Variants in NUSAP1 observed in about 807,000 individuals in gnomAD.
NUSAP1 encodes nucleolar and spindle associated protein 1.
Under a neutral mutation model 52.8 loss-of-function variants are expected in NUSAP1, and 32 were observed. The observed-to-expected ratio is 0.61, with a 90% CI of 0.46 to 0.81. The LOEUF is 0.81. NUSAP1 is among the 40% of genes least tolerant of loss of function. The pLI is 0.00. For synonymous variants in NUSAP1, 195 were observed against 183.1 expected, an observed-to-expected ratio of 1.06 and a Z score of -0.52; for missense variants, 499 against 522.3, an observed-to-expected ratio of 0.96 and a Z score of 0.43.
rs2050161426 is a variant in NUSAP1, at chr15:41,380,344, C to T, written c.*158C>T. On this transcript the variant is annotated 3_prime_UTR_variant, in exon 11 of 11. Transcript: ENST00000559596. Reference sequence around the variant, plus strand: ...CCATGGGTTCTTCATGTGCTATGATCTCTGAAAAGACGTTATCACCTTAAA... The same window carrying T: ...CCATGGGTTCTTCATGTGCTATGATTTCTGAAAAGACGTTATCACCTTAAA... The T allele has an allele frequency of 1.9e-6, 1 of 522,764 alleles. No individual in the cohort carries two copies. The highest frequency in any genetic ancestry group is 1.9e-5 in the African/African-American group (1 of 51,550). 32.4% of individuals were successfully genotyped at this position (522,764 alleles called of 1,614,324 possible).
At chr15:41,377,161 T>A in intron 9 of NUSAP1, 35 bp from the exon 10 acceptor site, 1 of 1,101,132 alleles carries the variant, frequency 9.1e-7, no homozygotes, top group Non-Finnish European at 1.3e-6. Context: ...AATCAAACAA[T>A]CTTTTTAAAA....
chr15:41,360,244 T>C (rs2049122093), intron 6 of NUSAP1, among the ~76,000 whole-genome samples: 1 of 152,126 alleles, frequency 6.6e-6, no homozygotes, highest in Non-Finnish European at 1.5e-5. Context: ...ATTCAAGTGA[T>C]TCTCCCACCT....
chr15:41,379,048 G>C (rs1423127121), intron 10 of NUSAP1, among the ~76,000 whole-genome samples: 1 of 129,882 alleles, frequency 7.7e-6, no homozygotes, highest in Non-Finnish European at 1.5e-5. Flanking sequence ...CTGCCTCCCA[G>C]GTTCAAGTGA....
intron 7 of NUSAP1, 98 bp downstream of exon 7, chr15:41,365,687 A>G: frequency 1.3e-6 from 1 of 746,990 alleles, no homozygotes; most frequent in Non-Finnish European, 2.0e-6. Context: ...GTACATACTC[A>G]TAGGGTACAT....
In NUSAP1 at chr15:41,359,778, G is replaced by A. The variant is rs187471312; in HGVS notation, c.660+1520G>A. Among the ~76,000 whole-genome samples, 743 of 151,546 alleles carry A rather than the reference G, an allele frequency of 4.9e-3. 2 individuals are homozygous for A. Among genetic ancestry groups the A allele is most frequent in the South Asian group, 0.021 (100 of 4,794 alleles). ...CTCCCCAGTAGCTGAGATTACAGGCGCCCACCACCACACCCAGCTAATTTT... is the reference window on the plus strand; with the variant it reads ...CTCCCCAGTAGCTGAGATTACAGGCACCCACCACCACACCCAGCTAATTTT... On this transcript the variant is annotated intron_variant, in intron 6 of 10. Transcript: ENST00000559596.
At chr15:41,365,799 C>G (rs1166311534) in intron 7 of NUSAP1, 1 of 250,508 alleles carries the variant, frequency 4.0e-6, no homozygotes, top group Non-Finnish European at 7.6e-6. Context: ...CAGCTCCCTG[C>G]AACCTCCGCC....
intron 3 of NUSAP1, 48 bp downstream of exon 3, chr15:41,349,289 G>T (rs377214224): frequency 8.3e-6 from 13 of 1,565,812 alleles, no homozygotes; most frequent in Non-Finnish European, 1.1e-5. Flanking sequence ...TGCCAAAATT[G>T]GCATACTTTT....
intron 8 of NUSAP1, among the ~76,000 whole-genome samples, chr15:41,373,017 G>A (rs2049765626): frequency 6.6e-6 from 1 of 151,896 alleles, no homozygotes; most frequent in Non-Finnish European, 1.5e-5. Context: ...GAACCAGGAA[G>A]CAGAGGTTGC....
At position 41,336,268 on chromosome 15, in the gene NUSAP1, A is replaced by AAATAATAAT. The variant is rs113121358; in HGVS notation, c.93+3239_93+3247dup. Among the ~76,000 whole-genome samples the AAATAATAAT allele has an allele frequency of 2.3e-3, 341 of 148,682 alleles. 4 individuals are homozygous for AAATAATAAT. The South Asian group carries it at 0.026, about 11-fold the overall frequency. On this transcript the variant is annotated intron_variant, in intron 1 of 10. Coordinates refer to ENST00000559596, the MANE Select transcript of NUSAP1 (RefSeq NM_016359.5). Reference sequence around the variant, plus strand: ...GCAACAAGAGCGAAACTCCGTCTAAAAATAATAATAATAATAATAATAATA... The same window carrying AAATAATAAT: ...GCAACAAGAGCGAAACTCCGTCTAAAAATAATAATAATAATAATAATAATAATAATAATA...
chr15:41,345,251 C>T (rs946795349), intron 2 of NUSAP1, among the ~76,000 whole-genome samples: 2 of 152,028 alleles, frequency 1.3e-5, no homozygotes, highest in African/African-American at 4.8e-5. Flanking sequence ...TTGCCTACCT[C>T]TGCCTCCCAA....
intron 2 of NUSAP1, among the ~76,000 whole-genome samples, chr15:41,345,265 G>T (rs908001448): frequency 1.3e-5 from 2 of 151,936 alleles, no homozygotes; most frequent in Admixed American, 6.6e-5. Context: ...CTCCCAAAGT[G>T]CTGGGATTAC....
intron 6 of NUSAP1, among the ~76,000 whole-genome samples, chr15:41,360,723 C>T (rs1238459504): frequency 6.6e-6 from 1 of 151,732 alleles, no homozygotes; most frequent in Non-Finnish European, 1.5e-5. Flanking sequence ...TCCCAAAGTG[C>T]TGGGATTACA....
intron 6 of NUSAP1, among the ~76,000 whole-genome samples, chr15:41,362,589 T>C (rs1054481808): frequency 6.6e-6 from 1 of 151,076 alleles, no homozygotes; most frequent in African/African-American, 2.4e-5. Flanking sequence ...CACACCCGGC[T>C]AATTTTTTTT....
At chr15:41,345,094 G>A (rs191499217) in intron 2 of NUSAP1, among the ~76,000 whole-genome samples, 1 of 151,976 alleles carries the variant, frequency 6.6e-6, no homozygotes, top group African/African-American at 2.4e-5. Context: ...GGACCCCCCA[G>A]GCTCAAGTGA....
chr15:41,340,523 G>C (rs1392845246), intron 1 of NUSAP1, among the ~76,000 whole-genome samples: 5 of 152,134 alleles, frequency 3.3e-5, no homozygotes, highest in Non-Finnish European at 7.3e-5. Context: ...GCTTGTTGAA[G>C]GAATGCATGA....
chr15:41,349,765 T>TC (rs2048711985), intron 3 of NUSAP1, among the ~76,000 whole-genome samples: 1 of 142,528 alleles, frequency 7.0e-6, no homozygotes, highest in African/African-American at 2.5e-5. Context: ...TTTTTTCTTT[T>TC]CTTTTTTTTT....
chr15:41,351,811 G>A (rs996415173), intron 4 of NUSAP1, among the ~76,000 whole-genome samples: 1 of 152,018 alleles, frequency 6.6e-6, no homozygotes, highest in Non-Finnish European at 1.5e-5. Flanking sequence ...TCCAAATGAT[G>A]TCATTTTAAC....
At chr15:41,335,997 G>T (rs1424525306) in intron 1 of NUSAP1, among the ~76,000 whole-genome samples, 4 of 150,972 alleles carry the variant, frequency 2.6e-5, no homozygotes, top group Admixed American at 2.6e-4. Flanking sequence ...ATGGTGGCTT[G>T]CACCTGTAAT....
At chr15:41,360,299 C>T (rs140941573) in intron 6 of NUSAP1, among the ~76,000 whole-genome samples, 12 of 147,362 alleles carry the variant, frequency 8.1e-5, no homozygotes, top group Non-Finnish European at 1.2e-4. Context: ...CCACCACACC[C>T]GGCTAATTTT....
Sources: allele counts gnomAD v4.1 joint callset (sites outside exome capture counted in the v4.1 genomes callset), GRCh38; gene constraint gnomAD v4.1.1; transcripts MANE v1.5; gene names NCBI Gene and HGNC (gene_info 2026-07-23, HGNC 2026-07-21).